Variants in MVK observed in about 807,000 individuals in gnomAD.
MVK encodes LH receptor mRNA-binding protein.
A neutral mutation model predicts 43.2 loss-of-function variants in MVK; 34 were observed. The ratio of observed to expected loss-of-function variants is 0.79; its 90% CI spans 0.60 to 1.05. MVK has a LOEUF of 1.05. MVK is among the 50% of genes least tolerant of loss of function. The pLI is 0.00. For synonymous variants in MVK, 190 were observed against 219.8 expected, an observed-to-expected ratio of 0.86 and a Z score of 1.20; for missense variants, 395 against 504.0, an observed-to-expected ratio of 0.78 and a Z score of 2.07.
chr12:109,586,810 G>T lies in MVK; in HGVS notation c.677+11G>T. 6.2e-7 allele frequency: 1 copy of T among 1,614,068 alleles called. No individual in the cohort carries two copies. Among genetic ancestry groups the T allele is most frequent in the Non-Finnish European group, 8.5e-7 (1 of 1,179,984 alleles). On this transcript the variant is annotated intron_variant, in intron 7 of 10. Coordinates refer to ENST00000228510, the MANE Select transcript of MVK (RefSeq NM_000431.4). ...TTCATCCTTAAAGAGGTAACCTGGG[G>T]GTGGAGCAGCACATTCAGCCATGGC...
intron 5 of MVK, among the ~76,000 whole-genome samples, chr12:109,584,977 C>T (rs1390304482): frequency 6.6e-6 from 1 of 152,218 alleles, no homozygotes; most frequent in African/African-American, 2.4e-5. Context: ...TTAGCTTCTG[C>T]TGTTTCATGA....
rs72648009 is a variant in MVK, at chr12:109,586,572, G to T, written c.632-182G>T. Among the ~76,000 whole-genome samples, 365 of 152,346 alleles carry T rather than the reference G, an allele frequency of 2.4e-3. 2 individuals are homozygous for T. The highest frequency in any genetic ancestry group is 3.8e-3 in the Non-Finnish European group (258 of 68,034). On this transcript the variant is annotated intron_variant, in intron 6 of 10. Coordinates refer to ENST00000228510, the MANE Select transcript of MVK (RefSeq NM_000431.4). ...TCCAAGGCCTGGCAAGAGCTTCCTG[G>T]TGGGGCTTCGGGGACCTTTTGCCCT...
intron 5 of MVK, among the ~76,000 whole-genome samples, chr12:109,582,449 G>A (rs565426944): frequency 2.0e-5 from 3 of 152,214 alleles, no homozygotes; most frequent in South Asian, 4.1e-4. Context: ...GATTTTCCAC[G>A]GGCCAAAGGA....
upstream of MVK, chr12:109,573,328 C>T: frequency 6.2e-7 from 1 of 1,612,180 alleles, no homozygotes; most frequent in Admixed American, 1.7e-5. Flanking sequence ...TCGAGTTGCC[C>T]TTCCCGCCAG....
chr12:109,586,467 A>G (rs1380274056), intron 6 of MVK, among the ~76,000 whole-genome samples: 1 of 152,100 alleles, frequency 6.6e-6, no homozygotes, highest in African/African-American at 2.4e-5. Context: ...CAGGGCCCAG[A>G]TGCTGTGTCC....
chr12:109,596,479 T>C lies in MVK; in HGVS notation c.1093T>C (p.Phe365Leu). Reference protein sequence around the residue: ...ATKQALTSCGFDCLETSIGAP... With the variant: ...ATKQALTSCGLDCLETSIGAP... ...GAAGCAGGCCCTGACCAGCTGTGGC[T>C]TTGACTGCTTGGAAACCAGCATCGG... Residue 365 changes from phenylalanine (F) to leucine (L), a missense_variant, in exon 11 of 11, where the codon TTT (phenylalanine) becomes CTT (leucine). By Grantham distance (22) the Phe-to-Leu change is conservative. Transcript: ENST00000228510. The C allele has an allele frequency of 6.2e-7, 1 of 1,613,678 alleles. No homozygotes were observed. Among genetic ancestry groups the C allele is most frequent in the Non-Finnish European group, 8.5e-7 (1 of 1,179,960 alleles).
At chr12:109,590,553 T>C (rs1178145886) in intron 7 of MVK, 4 of 606,992 alleles carry the variant, frequency 6.6e-6, no homozygotes, top group Non-Finnish European at 1.2e-5. Flanking sequence ...AATAAATGAG[T>C]GAAAAGCCAA....
chr12:109,585,583 T>C (rs1292490386), intron 5 of MVK, among the ~76,000 whole-genome samples: 1 of 151,982 alleles, frequency 6.6e-6, no homozygotes, highest in Non-Finnish European at 1.5e-5. Context: ...GCCTGTCCAA[T>C]ATGGTGAAAC....
chr12:109,594,623 C>G (rs1885834255), intron 9 of MVK, among the ~76,000 whole-genome samples: 1 of 152,198 alleles, frequency 6.6e-6, no homozygotes, highest in Non-Finnish European at 1.5e-5. Flanking sequence ...AATATCTGAT[C>G]ATGTGGCAAG....
intron 5 of MVK, 78 bp downstream of exon 5, chr12:109,581,628 C>G: frequency 6.3e-7 from 1 of 1,596,830 alleles, no homozygotes; most frequent in Non-Finnish European, 8.6e-7. Flanking sequence ...TGAGACCTCA[C>G]CACCTCCCTG....
At chr12:109,590,496 G>T in intron 7 of MVK, 1 of 501,372 alleles carries the variant, frequency 2.0e-6, no homozygotes, top group Non-Finnish European at 3.7e-6. Flanking sequence ...CCGGCCCCAA[G>T]GCCACGCTGT....
intron 3 of MVK, among the ~76,000 whole-genome samples, chr12:109,576,363 C>A (rs1187698642): frequency 6.6e-6 from 1 of 151,852 alleles, no homozygotes; most frequent in Non-Finnish European, 1.5e-5. Flanking sequence ...GACAGATCAT[C>A]AAGGCCTATT....
chr12:109,592,105 A>T (rs1003867158), intron 9 of MVK, among the ~76,000 whole-genome samples: 2 of 152,202 alleles, frequency 1.3e-5, no homozygotes, highest in African/African-American at 4.8e-5. Context: ...TTAGCCAGAC[A>T]TGACGGTACA....
At chr12:109,587,473 G>T (rs539467554) in intron 7 of MVK, among the ~76,000 whole-genome samples, 1 of 152,322 alleles carries the variant, frequency 6.6e-6, no homozygotes, top group South Asian at 2.1e-4. Flanking sequence ...CGGCAGAATT[G>T]TTGGGTGCCT....
At position 109,596,525 on chromosome 12, in the gene MVK, A is replaced by G. The variant is rs104895324; in HGVS notation, c.1139A>G (p.His380Arg). Residue 380 changes from histidine to arginine, a missense_variant, in exon 11 of 11, where the codon CAC becomes CGC. By Grantham distance (29) the His-to-Arg change is conservative. Coordinates refer to ENST00000228510, the MANE Select transcript of MVK (RefSeq NM_000431.4). ...ATCGGTGCCCCCGGCGTCTCCATCCACTCAGCCACCTCCCTGGACAGCCGA... is the reference window on the plus strand; with the variant it reads ...ATCGGTGCCCCCGGCGTCTCCATCCGCTCAGCCACCTCCCTGGACAGCCGA... ...TSIGAPGVSI[H>R]SATSLDSRVQ... 65 of 1,612,310 alleles carry G rather than the reference A, an allele frequency of 4.0e-5. No individual in the cohort carries two copies. Among genetic ancestry groups the G allele is most frequent in the Non-Finnish European group, 5.0e-5 (59 of 1,179,900 alleles).
chr12:109,586,707 T>C (rs1488615027), intron 6 of MVK, 47 bp from the exon 7 acceptor site: 1 of 1,606,582 alleles, frequency 6.2e-7, no homozygotes. Flanking sequence ...GTAGCACAGA[T>C]ATGTTAGCTT....
In MVK at chr12:109,579,873, G is replaced by A. The variant is rs751713601; in HGVS notation, c.298G>A (p.Asp100Asn). Residue 100 changes from aspartate (D) to asparagine (N), a missense_variant, in exon 4 of 11, where the codon GAC becomes AAC. By Grantham distance (23) the Asp-to-Asn change is conservative. Coordinates refer to ENST00000228510, the MANE Select transcript of MVK (RefSeq NM_000431.4). ...AAAGGAGGTTGCAGGCTTGCCTGAC[G>A]ACTGTGCTGTCACCGAGCGCCTGGC... ...KLKEVAGLPD[D>N]CAVTERLAVL... The A allele has an allele frequency of 5.0e-5, 81 of 1,614,128 alleles. 1 individual carries two copies. The highest frequency in any genetic ancestry group is 4.4e-4 in the South Asian group (40 of 91,090).
chr12:109,590,702 T>C (rs1247370935), intron 7 of MVK, 69 bp from the exon 8 acceptor site: 2 of 1,467,230 alleles, frequency 1.4e-6, no homozygotes. Context: ...CTTCCCGGAC[T>C]GCTCCCAGTC....
chr12:109,591,488 A>G (rs997554488), intron 9 of MVK, 131 bp downstream of exon 9: 6 of 849,282 alleles, frequency 7.1e-6, no homozygotes, highest in South Asian at 1.4e-5. Context: ...CCTCTGGCCT[A>G]TGCTCTCAGC....
Sources: gnomAD v4.1 joint callset for allele counts (sites outside exome capture counted in the v4.1 genomes callset) on GRCh38, gnomAD v4.1.1 for gene constraint, MANE v1.5 for transcripts, NCBI Gene and HGNC (gene_info 2026-07-23, HGNC 2026-07-21) for gene names.